Variants in PRKCB observed in about 807,000 individuals in gnomAD.
The protein encoded by PRKCB is protein kinase C beta type.
Under a neutral mutation model 81.5 loss-of-function variants are expected in PRKCB, and 13 were observed. The ratio of observed to expected loss-of-function variants is 0.16; its 90% CI spans 0.10 to 0.25. The LOEUF (loss-of-function observed/expected upper bound fraction) is 0.25, where lower values mean the gene tolerates loss of function less well. PRKCB is among the 10% of genes least tolerant of loss of function. The probability of loss-of-function intolerance (pLI) is 1.00; values close to 1 mark genes in which losing one functional copy is unlikely to be tolerated. For synonymous variants in PRKCB, 335 were observed against 321.4 expected, an observed-to-expected ratio of 1.04 and a Z score of -0.45; for missense variants, 509 against 875.7, an observed-to-expected ratio of 0.58 and a Z score of 5.29.
chr16:23,874,366 G>GT (rs1962960211), intron 2 of PRKCB, among the ~76,000 whole-genome samples: 1 of 152,142 alleles, frequency 6.6e-6, no homozygotes, highest in South Asian at 2.1e-4. Context: ...CACATCTCAT[G>GT]TTCTAGATTT....
chr16:23,990,457 C>CGAAAAAAAA (rs1555489057), intron 3 of PRKCB, among the ~76,000 whole-genome samples: 4 of 138,450 alleles, frequency 2.9e-5, no homozygotes, highest in Non-Finnish European at 6.2e-5. Flanking sequence ...GACTCTGTCT[C>CGAAAAAAAA]GAAAAAAAAG....
chr16:23,863,239 T>C (rs1300449693), intron 2 of PRKCB, among the ~76,000 whole-genome samples: 46 of 57,144 alleles, frequency 8.0e-4, no homozygotes, highest in East Asian at 5.3e-3. Context: ...TGTATATATA[T>C]ACATATATAT....
At chr16:24,019,799 A>G (rs1364857798) in intron 3 of PRKCB, among the ~76,000 whole-genome samples, 2 of 151,818 alleles carry the variant, frequency 1.3e-5, no homozygotes, top group Non-Finnish European at 2.9e-5. Flanking sequence ...ATTTTTTTCC[A>G]TATTAATGCA....
chr16:23,845,693 A>G (rs1470620381), intron 2 of PRKCB, among the ~76,000 whole-genome samples: 1 of 152,260 alleles, frequency 6.6e-6, no homozygotes, highest in Non-Finnish European at 1.5e-5. Context: ...ATTTATTTGT[A>G]TCATGGCTGC....
chr16:23,902,740 T>C (rs13335974), intron 2 of PRKCB, among the ~76,000 whole-genome samples: 1,632 of 7,942 alleles, frequency 0.21, 198 homozygotes, highest in South Asian at 0.36. Flanking sequence ...CTCCCTTCCT[T>C]CCTTCCTTCC....
At chr16:23,884,165 A>G (rs971233390) in intron 2 of PRKCB, among the ~76,000 whole-genome samples, 2 of 152,178 alleles carry the variant, frequency 1.3e-5, no homozygotes, top group Non-Finnish European at 2.9e-5. Flanking sequence ...GAGGAAAGAG[A>G]GTCTCAGAGA....
intron 2 of PRKCB, among the ~76,000 whole-genome samples, chr16:23,889,540 A>T (rs1038934533): frequency 6.6e-6 from 1 of 152,250 alleles, no homozygotes; most frequent in Non-Finnish European, 1.5e-5. Context: ...CTTGCAGGCC[A>T]ATGGTAGGAT....
At chr16:23,837,038 G>T (rs946965531) in intron 1 of PRKCB, among the ~76,000 whole-genome samples, 7 of 152,136 alleles carry the variant, frequency 4.6e-5, no homozygotes, top group African/African-American at 1.4e-4. Context: ...CCCTCTGAAT[G>T]CGTCTTTATC....
At chr16:24,100,097 C>G (rs1346494433) in intron 7 of PRKCB, 2 of 152,072 alleles carry the variant, frequency 1.3e-5, no homozygotes, top group African/African-American at 4.8e-5. Flanking sequence ...TATTTTATTG[C>G]CACAAAGAGT....
chr16:24,194,230 G>A (rs796645176), intron 16 of PRKCB, among the ~76,000 whole-genome samples: 62 of 152,242 alleles, frequency 4.1e-4, no homozygotes, highest in African/African-American at 1.4e-3. Context: ...GGGAGGCTGA[G>A]GATAGAGAAT....
In PRKCB at chr16:23,949,875, G is replaced by C. The variant is rs113122809; in HGVS notation, c.206-38633G>C. On this transcript the variant is annotated intron_variant, in intron 2 of 16. Transcript: ENST00000643927. ...GCCTGAGGTCTCACAGGTAGGCTGG[G>C]ATCTCTGTGAGATCTAGGAGTGCCA... is the stretch of plus-strand genomic sequence containing the variant. 7.4e-3 allele frequency among the ~76,000 whole-genome samples: 1,132 copies of C among 152,260 alleles called. 18 individuals carry two copies. Among genetic ancestry groups the C allele is most frequent in the African/African-American group, 0.026 (1,077 of 41,540 alleles).
At chr16:23,973,095 G>T (rs1006840482) in intron 2 of PRKCB, among the ~76,000 whole-genome samples, 3 of 152,116 alleles carry the variant, frequency 2.0e-5, no homozygotes, top group Non-Finnish European at 4.4e-5. Flanking sequence ...TAAGTCAAAT[G>T]GGGTCATACA....
rs547535970 is a variant in PRKCB, at chr16:24,176,629, A to T, written c.1394+2049A>T. Among the ~76,000 whole-genome samples the T allele has an allele frequency of 3.7e-3, 557 of 152,332 alleles. 3 individuals are homozygous for T. The highest frequency in any genetic ancestry group is 0.012 in the African/African-American group (512 of 41,566). On this transcript the variant is annotated intron_variant, in intron 12 of 16. Coordinates refer to ENST00000643927, the MANE Select transcript of PRKCB (RefSeq NM_002738.7). ...CACATGAGGCTGGGCGCAGTGGCTC[A>T]TGCCTGTAAACCCAACACATAGGGA...
At chr16:23,859,766 G>A (rs1962631237) in intron 2 of PRKCB, among the ~76,000 whole-genome samples, 1 of 151,974 alleles carries the variant, frequency 6.6e-6, no homozygotes, top group African/African-American at 2.4e-5. Context: ...AAATTTGGAG[G>A]AGGCAGAGAA....
chr16:24,052,145 A>G (rs1386525610), intron 5 of PRKCB, among the ~76,000 whole-genome samples: 1 of 130,536 alleles, frequency 7.7e-6, no homozygotes, highest in Non-Finnish European at 1.6e-5. Flanking sequence ...TCAAAATAGG[A>G]TAGGCATAGT....
At position 24,215,952 on chromosome 16, in the gene PRKCB, T is replaced by C; in HGVS notation, c.*1136T>C. The C allele has an allele frequency of 1.0e-6, 1 of 984,698 alleles. No homozygotes were observed. Among genetic ancestry groups the C allele is most frequent in the Non-Finnish European group, 1.2e-6 (1 of 829,754 alleles). The allele number at this position is 984,698 out of a possible 1,614,324, so 61.0% of individuals were successfully genotyped here. Reference sequence around the variant, plus strand: ...TGTTCATTTGTATCTGGATCTCTGTTATGTGCCATTTTTCTTCTAGCATCG... The same window carrying C: ...TGTTCATTTGTATCTGGATCTCTGTCATGTGCCATTTTTCTTCTAGCATCG... On this transcript the variant is annotated 3_prime_UTR_variant, in exon 17 of 17. Transcript: ENST00000643927.
chr16:23,921,784 C>CA (rs528559642), intron 2 of PRKCB, among the ~76,000 whole-genome samples: 1 of 151,278 alleles, frequency 6.6e-6, no homozygotes, highest in Non-Finnish European at 1.5e-5. Context: ...AAGACTCTGT[C>CA]AAAAAAAGAA....
chr16:24,149,095 A>G (rs1967036656), intron 9 of PRKCB, among the ~76,000 whole-genome samples: 1 of 152,164 alleles, frequency 6.6e-6, no homozygotes, highest in African/African-American at 2.4e-5. Context: ...CTTATCAGGT[A>G]GTACCAGGGT....
At chr16:24,006,773 A>T (rs528472293) in intron 3 of PRKCB, among the ~76,000 whole-genome samples, 12 of 151,956 alleles carry the variant, frequency 7.9e-5, no homozygotes, top group Admixed American at 3.9e-4. Context: ...TCTTTCAAAG[A>T]CTAAACGCTG....
Sources: gnomAD v4.1 joint callset for allele counts (sites outside exome capture counted in the v4.1 genomes callset) on GRCh38, gnomAD v4.1.1 for gene constraint, MANE v1.5 for transcripts, NCBI Gene and HGNC (gene_info 2026-07-23, HGNC 2026-07-21) for gene names.